The following GTPBP4 variants were observed in gnomAD, a reference collection of about 807,000 sequenced individuals.
GTPBP4 encodes the protein GTP binding protein 4.
GTPBP4 carries 15 observed loss-of-function variants against 81.7 expected under a neutral mutation model. The ratio of observed to expected loss-of-function variants is 0.18; its 90% CI spans 0.12 to 0.28. The LOEUF is 0.28. Ranked by LOEUF, GTPBP4 falls within the 10% of genes least tolerant of loss-of-function variation. The probability of loss-of-function intolerance (pLI) is 1.00; values close to 1 mark genes in which losing one functional copy is unlikely to be tolerated. For synonymous variants in GTPBP4, 272 were observed against 274.6 expected (o/e 0.99, Z 0.09); for missense variants, 847 against 793.8 (o/e 1.07, Z -0.81).
chr10:990,630 G>A (rs1347530531), intron 1 of GTPBP4, among the ~76,000 whole-genome samples: 1 of 150,128 alleles, frequency 6.7e-6, no homozygotes, highest in Non-Finnish European at 1.5e-5. Context: ...GGCTGAGGCA[G>A]GAGAATGGTG....
intron 1 of GTPBP4, 115 bp downstream of exon 1, chr10:988,642 C>G (rs1320634902): frequency 1.3e-6 from 1 of 765,922 alleles, no homozygotes. Flanking sequence ...GCCCATCCCC[C>G]GCTCCTGGGC....
intron 8 of GTPBP4, 52 bp downstream of exon 8, chr10:1,001,065 C>A: frequency 7.8e-7 from 1 of 1,281,322 alleles, no homozygotes; most frequent in Non-Finnish European, 1.1e-6. Flanking sequence ...TCTGAATTCT[C>A]ATCTCAGACA....
intron 10 of GTPBP4, chr10:1,007,970 A>G (rs751114012): frequency 7.7e-6 from 4 of 517,860 alleles, no homozygotes; most frequent in African/African-American, 5.8e-5. Context: ...ATACATTGCA[A>G]ATTTTTTTCT....
chr10:1,012,300 C>G (rs565186303), intron 13 of GTPBP4, 165 bp from the exon 14 acceptor site: 2 of 516,914 alleles, frequency 3.9e-6, no homozygotes, highest in Non-Finnish European at 7.0e-6. Flanking sequence ...AGAACCCTCC[C>G]TGTGAGGTAA....
chr10:995,191 C>T (rs1260084011), intron 2 of GTPBP4, among the ~76,000 whole-genome samples: 1 of 152,054 alleles, frequency 6.6e-6, no homozygotes, highest in Non-Finnish European at 1.5e-5. Flanking sequence ...TCTGAGATCA[C>T]CTTGGAAGGG....
chr10:1,014,239 C>A lies in GTPBP4; in HGVS notation c.1543-8C>A, dbSNP rs201740389. 2.0e-5 allele frequency: 32 copies of A among 1,562,484 alleles called. No homozygotes were observed. The Admixed American group carries it at 2.8e-4, about 14-fold the overall frequency. On this transcript the variant is annotated splice_polypyrimidine_tract_variant and splice_region_variant and intron_variant, in intron 14 of 16. Transcript: ENST00000360803. ...TTTAAAGCTAATATTTCTTTTTATC[C>A]TTCTCAGGTTCAGAGGACAGTTTTG...
At chr10:1,006,994 G>T (rs775661679) in intron 9 of GTPBP4, 24 bp from the exon 10 acceptor site, 11 of 1,437,764 alleles carry the variant, frequency 7.7e-6, no homozygotes, top group Non-Finnish European at 1.1e-5. Flanking sequence ...GTTTGTGACT[G>T]TGCCTTCTTT....
chr10:1,001,136 G>A, intron 8 of GTPBP4, 123 bp downstream of exon 8: 1 of 672,462 alleles, frequency 1.5e-6, no homozygotes, highest in Non-Finnish European at 2.6e-6. Context: ...TTATAGTTGA[G>A]ATAATATCCT....
At chr10:998,693 A>G (rs2132160354) in intron 5 of GTPBP4, among the ~76,000 whole-genome samples, 1 of 152,298 alleles carries the variant, frequency 6.6e-6, no homozygotes, top group East Asian at 1.9e-4. Flanking sequence ...CCCGGTTTGG[A>G]CAGTGCAGAC....
Position 1,019,580 on chromosome 10 carries a change from C to T in GTPBP4, c.*2353C>T. 1.2e-6 allele frequency: 2 copies of T among 1,614,080 alleles called. No individual in the cohort carries two copies. Among genetic ancestry groups the T allele is most frequent in the Non-Finnish European group, 1.7e-6 (2 of 1,180,014 alleles). ...TCACGTCATCCAGGTGAGGCCACCA[C>T]CGGTACAGAAACCTCTCGGCAATGG... On this transcript the variant is annotated 3_prime_UTR_variant, in exon 17 of 17. Transcript: ENST00000360803.
chr10:1,010,270 T>G (rs1324953965), intron 12 of GTPBP4, 150 bp from the exon 13 acceptor site: 1 of 611,622 alleles, frequency 1.6e-6, no homozygotes, highest in East Asian at 2.8e-5. Flanking sequence ...GAGGCTGATG[T>G]GTTGATGCTG....
At chr10:1,011,054 C>CT (rs56361273) in intron 13 of GTPBP4, among the ~76,000 whole-genome samples, 4 of 104,008 alleles carry the variant, frequency 3.8e-5, no homozygotes, top group Admixed American at 9.8e-5. Context: ...TGTGCTGGGC[C>CT]CTTCATTCTC....
chr10:1,009,763 G>A (rs1242435128), intron 12 of GTPBP4, among the ~76,000 whole-genome samples, 183 bp downstream of exon 12: 1 of 152,240 alleles, frequency 6.6e-6, no homozygotes, highest in Non-Finnish European at 1.5e-5. Context: ...TGTAATCACA[G>A]CACTTTGGAT....
In GTPBP4 at chr10:1,007,045, G is replaced by T. The variant is rs778570304; in HGVS notation, c.1030G>T (p.Val344Leu). 1 of 1,612,838 alleles carries T rather than the reference G, an allele frequency of 6.2e-7. No individual in the cohort carries two copies. Among genetic ancestry groups the T allele is most frequent in the African/African-American group, 1.3e-5 (1 of 75,022 alleles). ...EACDRLLAHR[V>L]ETKMKGNKVN... ...TTGCGATAGGCTTTTGGCTCATCGA[G>T]TGGAAACCAAAATGAAGGGAAATAA... Residue 344 changes from valine (V) to leucine (L), a missense_variant, in exon 10 of 17, where the codon GTG (valine) becomes TTG (leucine). By Grantham distance (32) the Val-to-Leu change is conservative. This residue lies in a region of GTPBP4 where 600 missense variants were observed against 557.1 expected (regional missense o/e 1.08). Coordinates refer to ENST00000360803, the MANE Select transcript of GTPBP4 (RefSeq NM_012341.3).
chr10:997,194 T>C lies in GTPBP4; in HGVS notation c.461-14T>C. 6.9e-7 allele frequency: 1 copy of C among 1,449,978 alleles called. No homozygotes were observed. Among genetic ancestry groups the C allele is most frequent in the South Asian group, 1.2e-5 (1 of 84,742 alleles). 89.8% of individuals were successfully genotyped at this position (1,449,978 alleles called of 1,614,324 possible). Reference sequence around the variant, plus strand: ...CTTTGAATTTCTTAATTTTTCAATTTGAACTTTTCCTAGTGCGTCAGCATT... The same window carrying C: ...CTTTGAATTTCTTAATTTTTCAATTCGAACTTTTCCTAGTGCGTCAGCATT... On this transcript the variant is annotated splice_polypyrimidine_tract_variant and intron_variant, in intron 4 of 16. Coordinates refer to ENST00000360803, the MANE Select transcript of GTPBP4 (RefSeq NM_012341.3).
chr10:1,006,993 T>G lies in GTPBP4; in HGVS notation c.1003-25T>G, dbSNP rs372240387. 12 of 1,428,930 alleles carry G rather than the reference T, an allele frequency of 8.4e-6. No individual in the cohort carries two copies. In the South Asian group the frequency reaches 1.3e-4, roughly 15 times the overall value. 88.5% of individuals were successfully genotyped at this position (1,428,930 alleles called of 1,614,324 possible). ...GGCTGCTGGAGGATGCGTTTGTGAC[T>G]GTGCCTTCTTTTTTACGTTATTAGG... On this transcript the variant is annotated intron_variant, in intron 9 of 16. Coordinates refer to ENST00000360803, the MANE Select transcript of GTPBP4 (RefSeq NM_012341.3).
At chr10:999,416 C>T (rs1470643697) in intron 6 of GTPBP4, among the ~76,000 whole-genome samples, 3 of 152,104 alleles carry the variant, frequency 2.0e-5, no homozygotes, top group Non-Finnish European at 4.4e-5. Flanking sequence ...TCACACTGCA[C>T]CTGGCAAGAG....
At chr10:1,014,950 C>T (rs1357604562) in intron 15 of GTPBP4, among the ~76,000 whole-genome samples, 2 of 151,908 alleles carry the variant, frequency 1.3e-5, no homozygotes, top group Non-Finnish European at 2.9e-5. Context: ...CAGACCCTGT[C>T]CTCTAGATGT....
At position 1,007,089 on chromosome 10, in the gene GTPBP4, T is replaced by C. The variant is rs1266103587; in HGVS notation, c.1074T>C (p.Asn358=). Residue 358 remains asparagine (N), a synonymous_variant, in exon 10 of 17, where the codon AAT becomes AAC. Transcript: ENST00000360803. The part of the protein sequence containing the change: ...MKGNKVNEVL[N]RLHLAIPTRR... Reference sequence around the variant, plus strand: ...GAAATAAAGTGAATGAGGTGCTGAATAGACTGCACCTGGCTATCCCAACCA... The same window carrying C: ...GAAATAAAGTGAATGAGGTGCTGAACAGACTGCACCTGGCTATCCCAACCA... The C allele has an allele frequency of 2.5e-6, 4 of 1,611,524 alleles. No individual in the cohort carries two copies. The highest frequency in any genetic ancestry group is 3.4e-6 in the Non-Finnish European group (4 of 1,177,730).
Sources: allele counts gnomAD v4.1 joint callset (sites outside exome capture counted in the v4.1 genomes callset), GRCh38; gene constraint gnomAD v4.1.1; regional missense constraint gnomAD v4.1.1; transcripts MANE v1.5; gene names NCBI Gene and HGNC (gene_info 2026-07-23, HGNC 2026-07-21).